Variants in SNX6 observed in about 807,000 individuals in gnomAD.
The protein encoded by SNX6 is sorting nexin-6.
In SNX6, 34 loss-of-function variants were observed where a neutral mutation model predicts 63.0. The ratio of observed to expected loss-of-function variants is 0.54; its 90% CI spans 0.41 to 0.72. SNX6 has a LOEUF of 0.72. SNX6 is among the 30% of genes least tolerant of loss of function. The probability of loss-of-function intolerance (pLI) is 0.00; values close to 1 mark genes in which losing one functional copy is unlikely to be tolerated. For missense variants in SNX6, 398 were observed against 471.4 expected (o/e 0.84, Z 1.44); for synonymous variants, 170 against 164.2 (o/e 1.04, Z -0.27).
chr14:34,600,216 C>T (rs1882756143), intron 6 of SNX6, among the ~76,000 whole-genome samples: 2 of 152,152 alleles, frequency 1.3e-5, no homozygotes, highest in South Asian at 4.1e-4. Flanking sequence ...CCTCCGCCTC[C>T]CACATTCAAG....
At chr14:34,602,975 CA>C (rs755501321) in intron 6 of SNX6, among the ~76,000 whole-genome samples, 2,763 of 92,224 alleles carry the variant, frequency 0.03, 79 homozygotes, top group African/African-American at 0.092. Context: ...GACTCCGTCT[CA>C]AAAAAAAAAA....
At chr14:34,563,452 G>A (rs1031906361) in intron 13 of SNX6, among the ~76,000 whole-genome samples, 7 of 151,872 alleles carry the variant, frequency 4.6e-5, no homozygotes, top group African/African-American at 1.7e-4. Context: ...CCAGCTACTC[G>A]GTATGCTGAG....
At chr14:34,623,130 CATAAT>C (rs1176836560) in intron 2 of SNX6, among the ~76,000 whole-genome samples, 1 of 152,136 alleles carries the variant, frequency 6.6e-6, no homozygotes, top group Non-Finnish European at 1.5e-5. Flanking sequence ...CCTCAGCCAA[CATAAT>C]ATATGTCACA....
At chr14:34,629,788 G>T (rs555096401) in intron 2 of SNX6, 119 bp downstream of exon 2, 1 of 1,445,376 alleles carries the variant, frequency 6.9e-7, no homozygotes, top group Non-Finnish European at 9.4e-7. Flanking sequence ...GAAACCGAAA[G>T]GAGGACTACG....
At chr14:34,590,993 A>G (rs1360763492) in intron 8 of SNX6, among the ~76,000 whole-genome samples, 1 of 152,196 alleles carries the variant, frequency 6.6e-6, no homozygotes, top group Non-Finnish European at 1.5e-5. Context: ...TGTATGATTC[A>G]ATTTATATAA....
intron 11 of SNX6, among the ~76,000 whole-genome samples, chr14:34,573,623 C>CT (rs1012986376): frequency 1.9e-4 from 28 of 145,634 alleles, no homozygotes; most frequent in South Asian, 6.6e-4. Context: ...TTGCACACAG[C>CT]TTTTTTTTTT....
At chr14:34,623,345 A>T (rs1261636979) in intron 2 of SNX6, among the ~76,000 whole-genome samples, 1 of 152,072 alleles carries the variant, frequency 6.6e-6, no homozygotes, top group Non-Finnish European at 1.5e-5. Flanking sequence ...TGGGGAGTAG[A>T]CTAGAATATG....
chr14:34,567,648 A>G (rs1881246364), intron 13 of SNX6, 38 bp downstream of exon 13: 3 of 1,466,824 alleles, frequency 2.0e-6, no homozygotes, highest in African/African-American at 2.8e-5. Context: ...TCTATATTAC[A>G]TGTAACTTAA....
At chr14:34,586,389 T>TA (rs1417339717) in intron 8 of SNX6, 84 bp from the exon 9 acceptor site, 1 of 805,592 alleles carries the variant, frequency 1.2e-6, no homozygotes, top group Non-Finnish European at 2.0e-6. Flanking sequence ...AAACAATGTG[T>TA]AATATGAGAC....
chr14:34,598,825 A>C (rs1882698494), intron 6 of SNX6, among the ~76,000 whole-genome samples: 1 of 152,192 alleles, frequency 6.6e-6, no homozygotes, highest in African/African-American at 2.4e-5. Context: ...TTGAGGCTGC[A>C]ATGTGCTACA....
chr14:34,626,934 AG>A (rs1443722814), intron 2 of SNX6, among the ~76,000 whole-genome samples: 1 of 152,220 alleles, frequency 6.6e-6, no homozygotes, highest in Non-Finnish European at 1.5e-5. Flanking sequence ...TAGAATAATT[AG>A]TTTAATTGTG....
intron 9 of SNX6, among the ~76,000 whole-genome samples, chr14:34,582,845 C>G (rs1181125694): frequency 1.3e-5 from 2 of 149,700 alleles, no homozygotes. Flanking sequence ...GCCCAGCCAA[C>G]AAAATTTATC....
chr14:34,605,831 G>T, intron 4 of SNX6, 114 bp from the exon 5 acceptor site: 1 of 1,203,720 alleles, frequency 8.3e-7, no homozygotes, highest in Non-Finnish European at 1.1e-6. Context: ...AGAATGAGCT[G>T]AACACCAGGA....
chr14:34,583,441 T>TTC (rs764421526), intron 9 of SNX6, among the ~76,000 whole-genome samples: 1 of 141,182 alleles, frequency 7.1e-6, no homozygotes, highest in African/African-American at 2.6e-5. Context: ...TTTTTTCTTT[T>TTC]TTTTTTTTTT....
rs78198608 is a variant in SNX6, at chr14:34,618,099, A to G, written c.55-8357T>C. Among the ~76,000 whole-genome samples the G allele has an allele frequency of 6.4e-4, 98 of 152,236 alleles. 1 individual carries two copies. The East Asian group carries it at 0.019, about 29-fold the overall frequency. ...GGGCAAAGAGGAAGGAAGAAAGAAAATAACTTTGACTCTTACAATAGTCTC... is the reference window on the plus strand; with the variant it reads ...GGGCAAAGAGGAAGGAAGAAAGAAAGTAACTTTGACTCTTACAATAGTCTC... On this transcript the variant is annotated intron_variant, in intron 2 of 13. Transcript: ENST00000362031.
At chr14:34,593,345 T>C (rs937312856) in intron 7 of SNX6, among the ~76,000 whole-genome samples, 195 bp from the exon 8 acceptor site, 1 of 152,060 alleles carries the variant, frequency 6.6e-6, no homozygotes, top group Non-Finnish European at 1.5e-5. Context: ...AAATCTTCTA[T>C]GACTTTGCAA....
intron 13 of SNX6, 109 bp from the exon 14 acceptor site, chr14:34,563,284 C>A (rs1263345007): frequency 7.5e-6 from 8 of 1,062,224 alleles, no homozygotes; most frequent in Non-Finnish European, 1.1e-5. Flanking sequence ...AGAAGCCGGG[C>A]GCGGTGGCTC....
intron 13 of SNX6, 67 bp downstream of exon 13, chr14:34,567,619 A>C (rs951056361): frequency 1.7e-6 from 2 of 1,212,108 alleles, no homozygotes; most frequent in South Asian, 1.3e-5. Context: ...AGAATTATCA[A>C]TGTCATAACT....
intron 8 of SNX6, among the ~76,000 whole-genome samples, chr14:34,591,438 T>C (rs1039708190): frequency 6.6e-6 from 1 of 152,000 alleles, no homozygotes; most frequent in African/African-American, 2.4e-5. Context: ...TCTTTATTGG[T>C]CTATCTAGCC....
Sources: allele counts gnomAD v4.1 joint callset (sites outside exome capture counted in the v4.1 genomes callset), GRCh38; gene constraint gnomAD v4.1.1; transcripts MANE v1.5; gene names NCBI Gene and HGNC (gene_info 2026-07-23, HGNC 2026-07-21).